Variants in TBL3 observed in about 807,000 individuals in gnomAD.
TBL3 encodes the protein transducin beta-like protein 3.
TBL3 carries 71 observed loss-of-function variants against 102.7 expected under a neutral mutation model. The observed-to-expected ratio is 0.69, with a 90% CI of 0.57 to 0.84. The LOEUF (loss-of-function observed/expected upper bound fraction) is 0.84, where lower values mean the gene tolerates loss of function less well. TBL3 is among the 40% of genes least tolerant of loss of function. TBL3 has a pLI of 0.00. For missense variants in TBL3, 1,188 were observed against 1,098.5 expected (o/e 1.08, Z -1.15); for synonymous variants, 578 against 477.7 (o/e 1.21, Z -2.74).
At position 1,978,796 on chromosome 16, in the gene TBL3, A is replaced by C. The variant is rs1470247724; in HGVS notation, c.*111A>C. Reference sequence around the variant, plus strand: ...GCAGTCCAGCCCCCCACCCTGGCCAACACCCTACCTAGCCAGCCAGAAGGG... The same window carrying C: ...GCAGTCCAGCCCCCCACCCTGGCCACCACCCTACCTAGCCAGCCAGAAGGG... On this transcript the variant is annotated 3_prime_UTR_variant, in exon 22 of 22. Coordinates refer to ENST00000568546, the MANE Select transcript of TBL3 (RefSeq NM_006453.3). The C allele has an allele frequency of 1.1e-5, 15 of 1,387,676 alleles. No homozygotes were observed. Among genetic ancestry groups the C allele is most frequent in the Middle Eastern group, 1.8e-4 (1 of 5,440 alleles). The allele number at this position is 1,387,676 out of a possible 1,614,324, so 86.0% of individuals were successfully genotyped here.
chr16:1,977,008 G>A lies in TBL3; in HGVS notation c.1441-46G>A, dbSNP rs369667736. ...TGGGGGTGTGGCCAAGCCCTTGCTG[G>A]GGGAAGATGGGGGATTGCTGAGCCA... is the stretch of plus-strand genomic sequence containing the variant. On this transcript the variant is annotated intron_variant, in intron 14 of 21. Coordinates refer to ENST00000568546, the MANE Select transcript of TBL3 (RefSeq NM_006453.3). The A allele has an allele frequency of 8.2e-5, 133 of 1,612,384 alleles. No individual in the cohort carries two copies. In the African/African-American group the frequency reaches 1.7e-3, roughly 20 times the overall value.
Position 1,972,053 on chromosome 16 carries a change from G to T in TBL3, c.-112G>T. The T allele has an allele frequency of 2.4e-6, 3 of 1,248,542 alleles. No individual in the cohort carries two copies. Among genetic ancestry groups the T allele is most frequent in the East Asian group, 3.2e-5 (1 of 31,494 alleles). 77.3% of individuals were successfully genotyped at this position (1,248,542 alleles called of 1,614,324 possible). A position where few individuals can be genotyped will look rare whatever the true frequency, so the allele number is the denominator to read the frequency against. ...AGTGGTCGCGCGCGGTGACGCCATC[G>T]CAGCGCGCCGGGAGTGTGGCGTTCT... On this transcript the variant is annotated 5_prime_UTR_variant, in exon 1 of 22. Coordinates refer to ENST00000568546, the MANE Select transcript of TBL3 (RefSeq NM_006453.3).
intron 1 of TBL3, 149 bp from the exon 2 acceptor site, chr16:1,973,907 G>A: frequency 1.3e-6 from 1 of 776,570 alleles, no homozygotes; most frequent in Non-Finnish European, 1.9e-6. Context: ...AGTACTGCTG[G>A]TTCCACCCCA....
In TBL3 at chr16:1,980,962, A is replaced by G; in HGVS notation, c.*2277A>G. On this transcript the variant is annotated 3_prime_UTR_variant, in exon 22 of 22. Transcript: ENST00000568546. Reference sequence around the variant, plus strand: ...ACCTTGAGCTGCCTGAATTCGTCCCAACTCCTGCGCACGAAGGTGTCGCTG... The same window carrying G: ...ACCTTGAGCTGCCTGAATTCGTCCCGACTCCTGCGCACGAAGGTGTCGCTG... The G allele has an allele frequency of 6.2e-7, 1 of 1,613,060 alleles. No individual in the cohort carries two copies. Among genetic ancestry groups the G allele is most frequent in the Non-Finnish European group, 8.5e-7 (1 of 1,179,990 alleles).
chr16:1,975,499 G>C, intron 9 of TBL3, 30 bp from the exon 10 acceptor site: 1 of 1,601,926 alleles, frequency 6.2e-7, no homozygotes. Flanking sequence ...GGACCTGAGA[G>C]TCTCAGCAGC....
rs761319602 is a variant in TBL3 at position 1,976,266 on chromosome 16, C to A, written c.1244C>A (p.Ala415Asp). Residue 415 changes from alanine to aspartate, a missense_variant, in exon 13 of 22, where the codon GCT becomes GAT. Ala to Asp is a moderately radical substitution (Grantham distance 126). Transcript: ENST00000568546. ...MNKAGQVMCV[A>D]QGSGHTHSVG... ...AAGGCTGGCCAGGTGATGTGCGTGG[C>A]TCAGGGTTCCGGTCACACACACAGT... The A allele has an allele frequency of 6.2e-7, 1 of 1,614,124 alleles. No individual in the cohort carries two copies. Among genetic ancestry groups the A allele is most frequent in the Non-Finnish European group, 8.5e-7 (1 of 1,180,020 alleles).
rs556319098 is a variant in TBL3, at chr16:1,972,227, C to T, written c.41+22C>T. Reference sequence around the variant, plus strand: ...CCAAGTGAGCCCGGAGCTCTGGGGCCGTGCGGGGAGGGAGCTGGGTTTGCA... The same window carrying T: ...CCAAGTGAGCCCGGAGCTCTGGGGCTGTGCGGGGAGGGAGCTGGGTTTGCA... On this transcript the variant is annotated intron_variant, in intron 1 of 21. Coordinates refer to ENST00000568546, the MANE Select transcript of TBL3 (RefSeq NM_006453.3). The T allele has an allele frequency of 7.9e-5, 108 of 1,363,350 alleles. No individual in the cohort carries two copies. The African/African-American group carries it at 1.5e-3, about 19-fold the overall frequency. The allele number at this position is 1,363,350 out of a possible 1,614,324, so 84.5% of individuals were successfully genotyped here.
At position 1,980,836 on chromosome 16, in the gene TBL3, C is replaced by T; in HGVS notation, c.*2151C>T. The T allele has an allele frequency of 6.8e-7, 1 of 1,464,176 alleles. No individual in the cohort carries two copies. Among genetic ancestry groups the T allele is most frequent in the Non-Finnish European group, 9.4e-7 (1 of 1,064,076 alleles). The allele number at this position is 1,464,176 out of a possible 1,614,324, so 90.7% of individuals were successfully genotyped here. A position where few individuals can be genotyped will look rare whatever the true frequency, so the allele number is the denominator to read the frequency against. On this transcript the variant is annotated 3_prime_UTR_variant, in exon 22 of 22. Transcript: ENST00000568546. ...CAGGGGCTGGGAGCTTCAGCAGGGA[C>T]GAAGGGCCTCCAGTGGGAGTCACTG...
In TBL3 at chr16:1,979,992, C is replaced by T; in HGVS notation, c.*1307C>T. The T allele has an allele frequency of 6.3e-7, 1 of 1,599,382 alleles. No individual in the cohort carries two copies. Among genetic ancestry groups the T allele is most frequent in the Non-Finnish European group, 8.5e-7 (1 of 1,174,134 alleles). ...GCAAATCCCTGGGTTCTTGGGGGGC[C>T]CTACCTGAGGGGTGCCGCAGCAGCA... is the stretch of plus-strand genomic sequence containing the variant. On this transcript the variant is annotated 3_prime_UTR_variant, in exon 22 of 22. Coordinates refer to ENST00000568546, the MANE Select transcript of TBL3 (RefSeq NM_006453.3).
intron 13 of TBL3, 66 bp downstream of exon 13, chr16:1,976,380 G>A: frequency 7.1e-7 from 1 of 1,402,698 alleles, no homozygotes; most frequent in Non-Finnish European, 9.9e-7. Flanking sequence ...CAGCAGGGCT[G>A]CCGCTCAGGG....
chr16:1,980,051 G>A lies in TBL3; in HGVS notation c.*1366G>A, dbSNP rs1295819112. On this transcript the variant is annotated 3_prime_UTR_variant, in exon 22 of 22. Transcript: ENST00000568546. ...CTCTCCTGGGCCTGCGCCTGAAAAG[G>A]CCTATCCCGCGTGTCCTGGGTACAG... 1 of 1,606,932 alleles carries A rather than the reference G, an allele frequency of 6.2e-7. No individual in the cohort carries two copies.
Position 1,974,439 on chromosome 16 carries a change from C to G in TBL3, c.237+16C>G. On this transcript the variant is annotated intron_variant, in intron 4 of 21. Transcript: ENST00000568546. ...TGACAACGAGGTATGTGGGGCGGGG[C>G]CTGGAGGGGACCCGCTCCAGCGCCT... is the stretch of plus-strand genomic sequence containing the variant. 7 of 1,602,852 alleles carry G rather than the reference C, an allele frequency of 4.4e-6. No homozygotes were observed. Among genetic ancestry groups the G allele is most frequent in the Non-Finnish European group, 6.0e-6 (7 of 1,174,512 alleles).
At position 1,980,270 on chromosome 16, in the gene TBL3, ACT is replaced by A. The variant is rs1157341629; in HGVS notation, c.*1590_*1591del. ...ACCCCGGCAAGACCGCCAGCCTCCC[ACT>A]CTCTGCCCCTATTCGCTGGCTGTTC... On this transcript the variant is annotated 3_prime_UTR_variant, in exon 22 of 22. Coordinates refer to ENST00000568546, the MANE Select transcript of TBL3 (RefSeq NM_006453.3). 3.8e-5 allele frequency: 57 copies of A among 1,515,674 alleles called. No individual in the cohort carries two copies. Among genetic ancestry groups the A allele is most frequent in the Middle Eastern group, 2.4e-4 (1 of 4,244 alleles). 93.9% of individuals were successfully genotyped at this position (1,515,674 alleles called of 1,614,324 possible). A position where few individuals can be genotyped will look rare whatever the true frequency, so the allele number is the denominator to read the frequency against.
chr16:1,980,286 C>G lies in TBL3; in HGVS notation c.*1601C>G. 6.6e-7 allele frequency: 1 copy of G among 1,519,266 alleles called. No individual in the cohort carries two copies. Among genetic ancestry groups the G allele is most frequent in the Non-Finnish European group, 8.8e-7 (1 of 1,133,372 alleles). 94.1% of individuals were successfully genotyped at this position (1,519,266 alleles called of 1,614,324 possible). A position where few individuals can be genotyped will look rare whatever the true frequency, so the allele number is the denominator to read the frequency against. ...CAGCCTCCCACTCTCTGCCCCTATT[C>G]GCTGGCTGTTCCCCCCCACCCTGGA... On this transcript the variant is annotated 3_prime_UTR_variant, in exon 22 of 22. Transcript: ENST00000568546.
At position 1,978,717 on chromosome 16, in the gene TBL3, C is replaced by T. The variant is rs758699927; in HGVS notation, c.*32C>T. 2.1e-5 allele frequency: 34 copies of T among 1,590,680 alleles called. No homozygotes were observed. Among genetic ancestry groups the T allele is most frequent in the Non-Finnish European group, 6.0e-6 (7 of 1,163,654 alleles). ...CGGCCTCTCTCCAGTCCATCCTGAA[C>T]CCCTGGAAAACCCATAAAGGCCGCT... is the stretch of plus-strand genomic sequence containing the variant. On this transcript the variant is annotated 3_prime_UTR_variant, in exon 22 of 22. Coordinates refer to ENST00000568546, the MANE Select transcript of TBL3 (RefSeq NM_006453.3).
chr16:1,977,294 G>C lies in TBL3; in HGVS notation c.1671+10G>C. ...CTTCAGCTGTCTCAAGGTAAGTGGC[G>C]CTCCAGACCCTCCCCACTTCCCGCC... On this transcript the variant is annotated intron_variant, in intron 15 of 21. Transcript: ENST00000568546. The C allele has an allele frequency of 6.2e-7, 1 of 1,613,326 alleles. No individual in the cohort carries two copies. Among genetic ancestry groups the C allele is most frequent in the South Asian group, 1.1e-5 (1 of 91,082 alleles).
intron 10 of TBL3, 24 bp from the exon 11 acceptor site, chr16:1,975,784 C>G: frequency 6.2e-7 from 1 of 1,614,080 alleles, no homozygotes; most frequent in South Asian, 1.1e-5. Context: ...TGGCTCACAT[C>G]TCCTGCTCCC....
Position 1,981,372 on chromosome 16 carries a change from A to T in TBL3, c.*2687A>T. On this transcript the variant is annotated 3_prime_UTR_variant, in exon 22 of 22. Coordinates refer to ENST00000568546, the MANE Select transcript of TBL3 (RefSeq NM_006453.3). ...TTTCTTGCTGTCCCCCAAGCCCACGATCTGGGGGCAGGAGCACAGGGATTG... is the reference window on the plus strand; with the variant it reads ...TTTCTTGCTGTCCCCCAAGCCCACGTTCTGGGGGCAGGAGCACAGGGATTG... 6 of 1,364,690 alleles carry T rather than the reference A, an allele frequency of 4.4e-6. No individual in the cohort carries two copies. The highest frequency in any genetic ancestry group is 4.8e-6 in the Non-Finnish European group (5 of 1,036,874). The allele number at this position is 1,364,690 out of a possible 1,614,324, so 84.5% of individuals were successfully genotyped here. A position where few individuals can be genotyped will look rare whatever the true frequency, so the allele number is the denominator to read the frequency against.
chr16:1,978,373 A>C lies in TBL3; in HGVS notation c.2195A>C (p.Gln732Pro). ...NTNSRHCHEA[Q>P]AVLGVLLRRE... ...AACTCGCGGCACTGCCACGAGGCCCAGGCCGTGCTGGGTGTGCTCTTGAGG... is the reference window on the plus strand; with the variant it reads ...AACTCGCGGCACTGCCACGAGGCCCCGGCCGTGCTGGGTGTGCTCTTGAGG... The change falls in exon 21 of 22, where the codon CAG (glutamine) becomes CCG (proline). Residue 732 changes from glutamine to proline, a missense_variant. Coordinates refer to ENST00000568546, the MANE Select transcript of TBL3 (RefSeq NM_006453.3). 6.2e-7 allele frequency: 1 copy of C among 1,611,252 alleles called. No homozygotes were observed. The highest frequency in any genetic ancestry group is 1.1e-5 in the South Asian group (1 of 90,968).
Sources: allele counts gnomAD v4.1 joint callset, GRCh38; gene constraint gnomAD v4.1.1; transcripts MANE v1.5; gene names NCBI Gene and HGNC (gene_info 2026-07-23, HGNC 2026-07-21).